P3H2: variants seen among roughly 807,000 people sequenced by gnomAD.
P3H2 encodes leprecan-like 1.
A neutral mutation model predicts 87.0 loss-of-function variants in P3H2; 80 were observed. That is an observed-to-expected ratio of 0.92 (90% CI 0.77 to 1.11). The LOEUF is 1.11. P3H2 is among the 50% of genes least tolerant of loss of function. The pLI is 0.00. For missense variants in P3H2, 1,001 were observed against 923.9 expected, an observed-to-expected ratio of 1.08 and a Z score of -1.08; for synonymous variants, 367 against 359.3, an observed-to-expected ratio of 1.02 and a Z score of -0.24.
chr3:189,966,727 G>T (rs1417400658), intron 13 of P3H2, among the ~76,000 whole-genome samples: 1 of 152,122 alleles, frequency 6.6e-6, no homozygotes, highest in Non-Finnish European at 1.5e-5. Flanking sequence ...CTTTGAACCT[G>T]CACAGAGAAA....
intron 1 of P3H2, among the ~76,000 whole-genome samples, chr3:190,006,052 C>T (rs1463979812): frequency 6.6e-6 from 1 of 152,152 alleles, no homozygotes; most frequent in East Asian, 1.9e-4. Flanking sequence ...AATATAAACT[C>T]AAACATTTTC....
chr3:190,049,735 A>G (rs1725915471), intron 1 of P3H2, among the ~76,000 whole-genome samples: 1 of 152,234 alleles, frequency 6.6e-6, no homozygotes, highest in Non-Finnish European at 1.5e-5. Flanking sequence ...GTGTGAATTT[A>G]TAAAATAACC....
chr3:190,055,403 A>C (rs995696532), intron 1 of P3H2, among the ~76,000 whole-genome samples: 3 of 152,132 alleles, frequency 2.0e-5, no homozygotes, highest in African/African-American at 4.8e-5. Context: ...TCTCAATTTT[A>C]CCCCTTTACT....
chr3:190,045,447 T>C (rs1725769354), intron 1 of P3H2, among the ~76,000 whole-genome samples: 1 of 152,194 alleles, frequency 6.6e-6, no homozygotes, highest in Admixed American at 6.5e-5. Flanking sequence ...TCCTGTTTGC[T>C]GCCTTTTATT....
intron 1 of P3H2, among the ~76,000 whole-genome samples, chr3:190,017,244 C>A (rs1472382101): frequency 6.6e-6 from 1 of 152,010 alleles, no homozygotes; most frequent in African/African-American, 2.4e-5. Context: ...AATGTCATTT[C>A]TTTGTTCTTC....
At chr3:189,980,946 G>A (rs1175770161) in intron 8 of P3H2, among the ~76,000 whole-genome samples, 1 of 152,156 alleles carries the variant, frequency 6.6e-6, no homozygotes, top group African/African-American at 2.4e-5. Context: ...AAGGAGTTTG[G>A]GGCCTGCAAA....
chr3:189,975,172 C>T (rs1302856289), intron 8 of P3H2, among the ~76,000 whole-genome samples: 1 of 105,794 alleles, frequency 9.5e-6, no homozygotes, highest in African/African-American at 3.0e-5. Flanking sequence ...TTGACTCTGC[C>T]TCAGTCTTCT....
chr3:190,009,118 G>C (rs957697007), intron 1 of P3H2, among the ~76,000 whole-genome samples: 2 of 152,152 alleles, frequency 1.3e-5, no homozygotes, highest in Non-Finnish European at 2.9e-5. Context: ...CAGAGGAAAA[G>C]CGTCATCTAT....
At chr3:190,015,009 A>G (rs1051944342) in intron 1 of P3H2, among the ~76,000 whole-genome samples, 4 of 152,054 alleles carry the variant, frequency 2.6e-5, no homozygotes, top group African/African-American at 7.2e-5. Flanking sequence ...AGATGATTTT[A>G]TTTCATTATT....
intron 1 of P3H2, among the ~76,000 whole-genome samples, chr3:190,012,878 G>A (rs946626035): frequency 6.6e-6 from 1 of 152,156 alleles, no homozygotes; most frequent in Non-Finnish European, 1.5e-5. Context: ...AAACTCATCT[G>A]TATAAAAAAC....
At chr3:189,972,840 G>A (rs1687870488) in intron 11 of P3H2, 34 bp downstream of exon 11, 1 of 1,611,502 alleles carries the variant, frequency 6.2e-7, no homozygotes, top group Non-Finnish European at 8.5e-7. Context: ...ATGTATTGTG[G>A]GTAAAAGGGA....
chr3:190,103,574 G>A (rs954157174), intron 1 of P3H2, among the ~76,000 whole-genome samples: 4 of 152,166 alleles, frequency 2.6e-5, no homozygotes, highest in Admixed American at 2.6e-4. Flanking sequence ...CAGTGTTCTA[G>A]AGGAGCTCAT....
intron 14 of P3H2, among the ~76,000 whole-genome samples, chr3:189,962,354 T>C (rs1242894978): frequency 2.0e-5 from 3 of 152,028 alleles, no homozygotes; most frequent in Non-Finnish European, 2.9e-5. Context: ...TTTGTATTTT[T>C]AGTAGAGATG....
intron 1 of P3H2, among the ~76,000 whole-genome samples, chr3:190,085,460 T>C (rs1465682739): frequency 6.6e-6 from 1 of 152,238 alleles, no homozygotes; most frequent in Non-Finnish European, 1.5e-5. Flanking sequence ...AAAGGATCGA[T>C]TTCCCAATTG....
Position 189,957,493 on chromosome 3 carries a change from G to T in P3H2, c.*419C>A. 1 of 381,436 alleles carries T rather than the reference G, an allele frequency of 2.6e-6. No homozygotes were observed. Among genetic ancestry groups the T allele is most frequent in the Non-Finnish European group, 4.6e-6 (1 of 216,076 alleles). The allele number at this position is 381,436 out of a possible 1,614,324, so 23.6% of individuals were successfully genotyped here. ...TGTGTGTGTGTGTTTGGGGGAGGAG[G>T]TGAACTGGGCTTTGATAGATACATG... On this transcript the variant is annotated 3_prime_UTR_variant, in exon 15 of 15. Coordinates refer to ENST00000319332, the MANE Select transcript of P3H2 (RefSeq NM_018192.4).
At chr3:190,003,971 T>A (rs1472658194) in intron 1 of P3H2, among the ~76,000 whole-genome samples, 1 of 152,216 alleles carries the variant, frequency 6.6e-6, no homozygotes, top group Non-Finnish European at 1.5e-5. Context: ...ATACCTTAGC[T>A]TTGCCAGCAT....
chr3:190,059,589 T>C (rs1423349109), intron 1 of P3H2, among the ~76,000 whole-genome samples: 1 of 152,164 alleles, frequency 6.6e-6, no homozygotes, highest in Admixed American at 6.6e-5. Context: ...CTTACTTCAC[T>C]GCTTTCCTCC....
chr3:189,971,295 G>C (rs1723170601), intron 12 of P3H2, among the ~76,000 whole-genome samples: 2 of 152,180 alleles, frequency 1.3e-5, no homozygotes, highest in Non-Finnish European at 2.9e-5. Flanking sequence ...TCTTTAACTT[G>C]CTGAAGAGTT....
rs74369845 is a variant in P3H2, at chr3:190,014,668, G to C, written c.481-19226C>G. Reference sequence around the variant, plus strand: ...CTTGAGCCCACATCTTCTGGGGCTTGAGTCATAATGAAAAGCTCACTGTCT... The same window carrying C: ...CTTGAGCCCACATCTTCTGGGGCTTCAGTCATAATGAAAAGCTCACTGTCT... On this transcript the variant is annotated intron_variant, in intron 1 of 14. Transcript: ENST00000319332. 8.9e-3 allele frequency among the ~76,000 whole-genome samples: 1,361 copies of C among 152,226 alleles called. 29 individuals carry two copies. The highest frequency in any genetic ancestry group is 0.031 in the African/African-American group (1,296 of 41,534).
Sources: gnomAD v4.1 joint callset for allele counts (sites outside exome capture counted in the v4.1 genomes callset) on GRCh38, gnomAD v4.1.1 for gene constraint, MANE v1.5 for transcripts, NCBI Gene and HGNC (gene_info 2026-07-23, HGNC 2026-07-21) for gene names.